The following ZFPM2 variants were observed in gnomAD, a reference collection of about 807,000 sequenced individuals.
ZFPM2 encodes the protein zinc finger protein, FOG family member 2.
ZFPM2 carries 20 observed loss-of-function variants against 98.6 expected under a neutral mutation model. The observed-to-expected ratio is 0.20, with a 90% CI of 0.14 to 0.29. The LOEUF (loss-of-function observed/expected upper bound fraction) is 0.29. ZFPM2 is among the 10% of genes least tolerant of loss of function. The pLI is 1.00. For missense variants in ZFPM2, 1,310 were observed against 1,388.6 expected (o/e 0.94, Z 0.90); for synonymous variants, 518 against 502.7 (o/e 1.03, Z -0.41).
At chr8:105,440,769 A>C (rs1812220734) in intron 2 of ZFPM2, among the ~76,000 whole-genome samples, 1 of 152,144 alleles carries the variant, frequency 6.6e-6, no homozygotes, top group African/African-American at 2.4e-5. Flanking sequence ...TCAAGAAGGA[A>C]GGGAATAAGG....
At chr8:105,635,721 G>A (rs1019485619) in intron 5 of ZFPM2, among the ~76,000 whole-genome samples, 5 of 152,196 alleles carry the variant, frequency 3.3e-5, no homozygotes, top group African/African-American at 1.2e-4. Flanking sequence ...ACTTGTTGGG[G>A]ACAAATTTCT....
chr8:105,580,679 T>C (rs1356199389), intron 4 of ZFPM2, among the ~76,000 whole-genome samples: 10 of 152,182 alleles, frequency 6.6e-5, no homozygotes, highest in Admixed American at 5.9e-4. Context: ...GCAGCACCTA[T>C]AATTAATTAC....
intron 4 of ZFPM2, among the ~76,000 whole-genome samples, chr8:105,587,072 C>T (rs1196466930): frequency 6.6e-6 from 1 of 151,126 alleles, no homozygotes; most frequent in Non-Finnish European, 1.5e-5. Flanking sequence ...GTCAGGAGAT[C>T]GAGACCATCC....
chr8:105,595,922 A>G (rs1273942882), intron 4 of ZFPM2, among the ~76,000 whole-genome samples: 1 of 151,878 alleles, frequency 6.6e-6, no homozygotes, highest in Admixed American at 6.6e-5. Flanking sequence ...TTGACTTCCA[A>G]TATCATCTAA....
intron 5 of ZFPM2, among the ~76,000 whole-genome samples, chr8:105,749,206 T>C (rs1216534229): frequency 6.6e-6 from 1 of 152,058 alleles, no homozygotes; most frequent in Non-Finnish European, 1.5e-5. Flanking sequence ...GATGGTTTCA[T>C]CACTAAAACA....
chr8:105,334,916 C>T (rs1812300649), intron 1 of ZFPM2, among the ~76,000 whole-genome samples: 1 of 151,570 alleles, frequency 6.6e-6, no homozygotes, highest in South Asian at 2.1e-4. Flanking sequence ...GCAGCAGCAG[C>T]AACAGCAGCA....
chr8:105,484,748 G>T (rs1813195480), intron 3 of ZFPM2, among the ~76,000 whole-genome samples: 1 of 152,156 alleles, frequency 6.6e-6, no homozygotes, highest in Non-Finnish European at 1.5e-5. Context: ...ATGAATTTGT[G>T]TATTTATCTG....
intron 5 of ZFPM2, among the ~76,000 whole-genome samples, chr8:105,733,970 A>G (rs1812010074): frequency 1.3e-5 from 2 of 152,034 alleles, no homozygotes; most frequent in South Asian, 4.1e-4. Flanking sequence ...GGACACCTGG[A>G]AGAGGGAAAG....
At chr8:105,565,486 G>T (rs1815224996) in intron 4 of ZFPM2, among the ~76,000 whole-genome samples, 2 of 152,142 alleles carry the variant, frequency 1.3e-5, no homozygotes, top group Admixed American at 6.6e-5. Flanking sequence ...AAGTGCAAGA[G>T]AAGATAATAT....
At chr8:105,384,170 G>T (rs1810940634) in intron 1 of ZFPM2, among the ~76,000 whole-genome samples, 1 of 152,058 alleles carries the variant, frequency 6.6e-6, no homozygotes, top group Non-Finnish European at 1.5e-5. Context: ...CACATTCATT[G>T]TCTTAGGGAT....
At chr8:105,508,521 A>G (rs540878151) in intron 3 of ZFPM2, among the ~76,000 whole-genome samples, 3 of 152,128 alleles carry the variant, frequency 2.0e-5, no homozygotes, top group Non-Finnish European at 4.4e-5. Flanking sequence ...AACCAGGAAT[A>G]TTAGGAAGTT....
chr8:105,549,640 C>G (rs980851034), intron 3 of ZFPM2, among the ~76,000 whole-genome samples: 3 of 149,778 alleles, frequency 2.0e-5, no homozygotes, highest in Middle Eastern at 3.4e-3. Flanking sequence ...GAGACAGGGG[C>G]TCACTCTGTT....
intron 1 of ZFPM2, among the ~76,000 whole-genome samples, chr8:105,329,746 AC>A (rs758107784): frequency 1.3e-5 from 2 of 151,786 alleles, no homozygotes; most frequent in Non-Finnish European, 2.9e-5. Flanking sequence ...CTAGTGCACA[AC>A]ACAGACATGT....
At chr8:105,529,402 T>C (rs1364000640) in intron 3 of ZFPM2, among the ~76,000 whole-genome samples, 1 of 152,152 alleles carries the variant, frequency 6.6e-6, no homozygotes, top group Non-Finnish European at 1.5e-5. Flanking sequence ...TGCCATCAAA[T>C]ATTACTGTAA....
chr8:105,487,124 T>C (rs1042470240), intron 3 of ZFPM2, among the ~76,000 whole-genome samples: 5 of 152,158 alleles, frequency 3.3e-5, no homozygotes, highest in African/African-American at 1.2e-4. Context: ...ATTATATTTT[T>C]ATTTTTGAGA....
intron 5 of ZFPM2, among the ~76,000 whole-genome samples, chr8:105,725,890 T>G (rs564336147): frequency 1.3e-5 from 2 of 151,770 alleles, no homozygotes; most frequent in South Asian, 2.1e-4. Context: ...GGCCATTGGG[T>G]CTATGATTCA....
At position 105,620,752 on chromosome 8, in the gene ZFPM2, G is replaced by A. The variant is rs143602580; in HGVS notation, c.421-13494G>A. Among the ~76,000 whole-genome samples, 1,500 of 152,056 alleles carry A rather than the reference G, an allele frequency of 9.9e-3. 17 individuals are homozygous for A. Among genetic ancestry groups the A allele is most frequent in the Middle Eastern group, 0.048 (14 of 292 alleles). On this transcript the variant is annotated intron_variant, in intron 4 of 7. Coordinates refer to ENST00000407775, the MANE Select transcript of ZFPM2 (RefSeq NM_012082.4). ...TCCAGTTTCAGCTTTCTACATATGGGTAGCCAGTTTTCCCAGCACCATTTA... is the reference window on the plus strand; with the variant it reads ...TCCAGTTTCAGCTTTCTACATATGGATAGCCAGTTTTCCCAGCACCATTTA...
chr8:105,495,651 C>T (rs2130449161), intron 3 of ZFPM2, among the ~76,000 whole-genome samples: 1 of 152,276 alleles, frequency 6.6e-6, no homozygotes, highest in Admixed American at 6.5e-5. Flanking sequence ...AGTCTTTAGT[C>T]CACATCAACT....
chr8:105,443,312 C>CAAAAAAAAAAAAAA lies in ZFPM2; in HGVS notation c.200-962_200-961insAAAAAAAAAAAAAA, dbSNP rs1491232192. ...TGACAGAGCGAGTAAGACTCCTTCTCAAAAAACAAAAAACAAAAAAAAAAA... is the reference window on the plus strand; with the variant it reads ...TGACAGAGCGAGTAAGACTCCTTCTCAAAAAAAAAAAAAAAAAAAACAAAAAACAAAAAAAAAAA... On this transcript the variant is annotated intron_variant, in intron 2 of 7. Transcript: ENST00000407775. Among the ~76,000 whole-genome samples, 86 of 115,266 alleles carry CAAAAAAAAAAAAAA rather than the reference C, an allele frequency of 7.5e-4. 13 individuals carry two copies. The highest frequency in any genetic ancestry group is 3.2e-3 in the African/African-American group (78 of 24,234). The allele number at this position is 115,266 out of a possible 152,430, so 75.6% of individuals were successfully genotyped here.
Sources: gnomAD v4.1 joint callset for allele counts (sites outside exome capture counted in the v4.1 genomes callset) on GRCh38, gnomAD v4.1.1 for gene constraint, MANE v1.5 for transcripts, NCBI Gene and HGNC (gene_info 2026-07-23, HGNC 2026-07-21) for gene names.